Variants in ITGBL1 observed in about 807,000 individuals in gnomAD.
The protein encoded by ITGBL1 is integrin beta-like protein 1.
In ITGBL1, 51 loss-of-function variants were observed where a neutral mutation model predicts 68.5. The observed-to-expected ratio is 0.74, with a 90% CI of 0.59 to 0.94. The LOEUF is 0.94. ITGBL1 is among the 40% of genes least tolerant of loss of function. The probability of loss-of-function intolerance (pLI) is 0.00; values close to 1 mark genes in which losing one functional copy is unlikely to be tolerated. For missense variants in ITGBL1, 649 were observed against 647.4 expected (o/e 1.00, Z -0.03); for synonymous variants, 209 against 227.3 (o/e 0.92, Z 0.72).
At chr13:101,658,374 TTAACAG>T (rs2032989253) in intron 7 of ITGBL1, among the ~76,000 whole-genome samples, 1 of 152,324 alleles carries the variant, frequency 6.6e-6, no homozygotes, top group African/African-American at 2.4e-5. Flanking sequence ...AGTTGAAACA[TTAACAG>T]TATTTGTTCC....
chr13:101,572,880 A>G (rs1254491621), intron 3 of ITGBL1, among the ~76,000 whole-genome samples: 2 of 152,016 alleles, frequency 1.3e-5, no homozygotes, highest in Non-Finnish European at 2.9e-5. Flanking sequence ...CTCTCATATT[A>G]TATATGAGAG....
At chr13:101,509,966 A>G (rs1408377308) in intron 2 of ITGBL1, among the ~76,000 whole-genome samples, 2 of 152,136 alleles carry the variant, frequency 1.3e-5, no homozygotes, top group African/African-American at 4.8e-5. Context: ...TGAAAGAACA[A>G]AAGATAGTAC....
At chr13:101,505,168 G>T (rs2049007749) in intron 2 of ITGBL1, among the ~76,000 whole-genome samples, 3 of 152,168 alleles carry the variant, frequency 2.0e-5, no homozygotes, top group Middle Eastern at 3.2e-3. Context: ...GTATTTGAAT[G>T]AGATTTCTCT....
intron 2 of ITGBL1, among the ~76,000 whole-genome samples, chr13:101,540,209 C>T (rs1199766955): frequency 6.6e-6 from 1 of 152,136 alleles, no homozygotes; most frequent in Non-Finnish European, 1.5e-5. Flanking sequence ...GTCTTTAATA[C>T]ATCTTGAATT....
chr13:101,629,706 T>C (rs901498298), intron 7 of ITGBL1, among the ~76,000 whole-genome samples: 17 of 152,320 alleles, frequency 1.1e-4, no homozygotes, highest in East Asian at 1.9e-4. Flanking sequence ...GATATTTCCA[T>C]TGAGTTGTAT....
At chr13:101,652,767 A>G (rs553201710) in intron 7 of ITGBL1, among the ~76,000 whole-genome samples, 7 of 152,260 alleles carry the variant, frequency 4.6e-5, no homozygotes, top group Non-Finnish European at 8.8e-5. Flanking sequence ...AAATAGACGC[A>G]CCAAAGTTAC....
intron 7 of ITGBL1, among the ~76,000 whole-genome samples, chr13:101,641,682 C>G (rs1337395043): frequency 1.3e-5 from 2 of 149,052 alleles, no homozygotes. Context: ...ATTTAACATT[C>G]GGTATATCTC....
rs569165668 is a variant in ITGBL1 at position 101,651,440 on chromosome 13, G to T, written c.1016-41145G>T. Among the ~76,000 whole-genome samples the T allele has an allele frequency of 3.0e-3, 453 of 152,106 alleles. 2 individuals are homozygous for T. The highest frequency in any genetic ancestry group is 5.0e-3 in the Non-Finnish European group (340 of 67,952). ...TGATCAGTGATGTTGACCTTTTTTC[G>T]TATATTTGTTGGTCGCATGAATGTC... On this transcript the variant is annotated intron_variant, in intron 7 of 10. Coordinates refer to ENST00000376180, the MANE Select transcript of ITGBL1 (RefSeq NM_004791.3).
chr13:101,478,952 A>G (rs2048576126), intron 2 of ITGBL1, among the ~76,000 whole-genome samples: 1 of 152,148 alleles, frequency 6.6e-6, no homozygotes, highest in African/African-American at 2.4e-5. Context: ...CAAGAATAGA[A>G]AAAGTAATCT....
chr13:101,549,041 C>T (rs371585725), intron 2 of ITGBL1, among the ~76,000 whole-genome samples: 12 of 151,722 alleles, frequency 7.9e-5, no homozygotes, highest in Admixed American at 3.3e-4. Context: ...CATGAATTCA[C>T]GCATAAATTG....
chr13:101,570,242 TC>T (rs1207996444), intron 3 of ITGBL1, among the ~76,000 whole-genome samples: 4 of 152,188 alleles, frequency 2.6e-5, no homozygotes, highest in African/African-American at 9.6e-5. Flanking sequence ...CACAGAGTTT[TC>T]CAGATTAGGT....
intron 7 of ITGBL1, among the ~76,000 whole-genome samples, chr13:101,663,465 G>A (rs1032587687): frequency 2.6e-5 from 4 of 152,094 alleles, no homozygotes; most frequent in African/African-American, 9.7e-5. Flanking sequence ...CATCAAAATG[G>A]GCCTCCCAGC....
At chr13:101,720,530 C>CTGTG (rs56200654), downstream of ITGBL1, 7,317 of 147,596 alleles carry the variant, frequency 0.05, 208 homozygotes, top group African/African-American at 0.069. Context: ...GGTGTTTGCT[C>CTGTG]TGTGTGTGTG....
At chr13:101,640,228 T>C (rs1266577255) in intron 7 of ITGBL1, among the ~76,000 whole-genome samples, 2 of 152,214 alleles carry the variant, frequency 1.3e-5, no homozygotes, top group Non-Finnish European at 2.9e-5. Flanking sequence ...TTATTACTTG[T>C]TTATCACAAG....
At chr13:101,603,479 A>C (rs2030514951) in intron 7 of ITGBL1, among the ~76,000 whole-genome samples, 1 of 151,926 alleles carries the variant, frequency 6.6e-6, no homozygotes, top group Non-Finnish European at 1.5e-5. Context: ...TCTGCATTGG[A>C]ATATTGTCAT....
At chr13:101,675,927 C>G (rs1441527998) in intron 7 of ITGBL1, among the ~76,000 whole-genome samples, 1 of 152,124 alleles carries the variant, frequency 6.6e-6, no homozygotes, top group Non-Finnish European at 1.5e-5. Context: ...CCTTCTGTGT[C>G]TAGTCTACCA....
At chr13:101,649,349 T>C (rs2032669517) in intron 7 of ITGBL1, among the ~76,000 whole-genome samples, 1 of 152,152 alleles carries the variant, frequency 6.6e-6, no homozygotes, top group Non-Finnish European at 1.5e-5. Flanking sequence ...GCAACTTGCA[T>C]TGGTGGCTTG....
At chr13:101,691,172 G>T (rs1276041882) in intron 7 of ITGBL1, among the ~76,000 whole-genome samples, 1 of 152,124 alleles carries the variant, frequency 6.6e-6, no homozygotes, top group Non-Finnish European at 1.5e-5. Flanking sequence ...GCCTGTTCTA[G>T]CTGCCAGGGT....
chr13:101,655,033 G>A (rs555420734), intron 7 of ITGBL1, among the ~76,000 whole-genome samples: 3 of 152,306 alleles, frequency 2.0e-5, no homozygotes, highest in Admixed American at 6.5e-5. Context: ...AAGGGGCCAC[G>A]AGGAATAGAT....
Sources: gnomAD v4.1 joint callset for allele counts (sites outside exome capture counted in the v4.1 genomes callset) on GRCh38, gnomAD v4.1.1 for gene constraint, MANE v1.5 for transcripts, NCBI Gene and HGNC (gene_info 2026-07-23, HGNC 2026-07-21) for gene names.